TES: variants seen among roughly 807,000 people sequenced by gnomAD.
The protein encoded by TES is testin LIM domain protein.
In TES, 41 loss-of-function variants were observed where a neutral mutation model predicts 48.2. The ratio of observed to expected loss-of-function variants is 0.85; its 90% confidence interval spans 0.66 to 1.10. TES has a LOEUF of 1.10. TES is among the 50% of genes least tolerant of loss of function. The pLI, the probability that TES is intolerant of heterozygous loss-of-function variation, is 0.00. For synonymous variants in TES, 162 were observed against 174.9 expected (o/e 0.93, Z 0.58); for missense variants, 463 against 515.1 (o/e 0.90, Z 0.98).
chr7:116,245,569 G>A (rs1004662226), intron 2 of TES, among the ~76,000 whole-genome samples: 15 of 152,090 alleles, frequency 9.9e-5, no homozygotes, highest in African/African-American at 3.4e-4. Flanking sequence ...CAAGTCTCTA[G>A]GAATTTCCAA....
At chr7:116,245,029 C>A (rs1799902059) in intron 2 of TES, among the ~76,000 whole-genome samples, 1 of 152,100 alleles carries the variant, frequency 6.6e-6, no homozygotes. Context: ...GGGCGTGGTC[C>A]ACGACAGCAT....
rs1799996167 is a variant in TES at position 116,250,824 on chromosome 7, TTGCTTATCTC to T, written c.702+333_702+342del. On this transcript the variant is annotated intron_variant, in intron 4 of 6. Coordinates refer to ENST00000358204, the MANE Select transcript of TES (RefSeq NM_015641.4). ...TTTCTAATCATAATGTTGGTATTAA[TTGCTTATCTC>T]TGCTGCCCATAAATAGGAATATATG... Among the ~76,000 whole-genome samples the T allele has an allele frequency of 2.6e-5, 4 of 152,366 alleles. No homozygotes were observed. The South Asian group carries it at 8.3e-4, about 32-fold the overall frequency.
At chr7:116,247,673 A>T (rs569046809) in intron 2 of TES, among the ~76,000 whole-genome samples, 1 of 152,330 alleles carries the variant, frequency 6.6e-6, no homozygotes, top group East Asian at 1.9e-4. Context: ...TGGTTGACAA[A>T]ACACACTGAA....
At chr7:116,221,800 A>G (rs1465793266) in intron 1 of TES, among the ~76,000 whole-genome samples, 1 of 152,154 alleles carries the variant, frequency 6.6e-6, no homozygotes, top group Non-Finnish European at 1.5e-5. Context: ...TTGTTGTTCC[A>G]TTAAAGTGAA....
intron 2 of TES, among the ~76,000 whole-genome samples, chr7:116,240,442 A>G (rs938140915): frequency 2.6e-5 from 4 of 151,986 alleles, no homozygotes; most frequent in South Asian, 4.1e-4. Context: ...TCGCTCTCCC[A>G]GGCTCGCTCT....
chr7:116,255,600 T>TTTGTAAA (rs1336521578), intron 6 of TES, among the ~76,000 whole-genome samples: 4 of 152,252 alleles, frequency 2.6e-5, no homozygotes, highest in African/African-American at 9.6e-5. Flanking sequence ...TTATCTCTTT[T>TTTGTAAA]TTGTAAATTG....
chr7:116,235,442 AT>A lies in TES; in HGVS notation c.113+830del, dbSNP rs577910913. Among the ~76,000 whole-genome samples, 25 of 152,296 alleles carry A rather than the reference AT, an allele frequency of 1.6e-4. No homozygotes were observed. In the East Asian group the frequency reaches 4.6e-3, roughly 28 times the overall value. ...AGTGAAAAACCATTGAAACACTTGA[AT>A]TTTTTTAAGAAAAAAATTAATTGTA... On this transcript the variant is annotated intron_variant, in intron 2 of 6. Coordinates refer to ENST00000358204, the MANE Select transcript of TES (RefSeq NM_015641.4).
intron 1 of TES, among the ~76,000 whole-genome samples, chr7:116,224,278 A>G (rs73719138): frequency 0.12 from 18,257 of 152,192 alleles, 1,103 homozygotes; most frequent in South Asian, 0.19. Context: ...AAACTATGAC[A>G]TGATAAATCG....
chr7:116,245,737 G>T (rs1799914183), intron 2 of TES, among the ~76,000 whole-genome samples: 1 of 152,012 alleles, frequency 6.6e-6, no homozygotes, highest in South Asian at 2.1e-4. Context: ...TATTCTCATG[G>T]TGCTAATAAA....
At chr7:116,249,954 A>T (rs1176730849) in intron 3 of TES, 2 of 395,300 alleles carry the variant, frequency 5.1e-6, no homozygotes, top group Non-Finnish European at 9.0e-6. Context: ...ATATAATTTC[A>T]TGGAGAGAAA....
At chr7:116,253,163 C>T (rs1417584279) in intron 6 of TES, among the ~76,000 whole-genome samples, 1 of 152,090 alleles carries the variant, frequency 6.6e-6, no homozygotes, top group East Asian at 1.9e-4. Flanking sequence ...TTATATGCAG[C>T]AAAACACATA....
At chr7:116,228,294 A>T (rs1554436578) in intron 1 of TES, among the ~76,000 whole-genome samples, 1 of 151,882 alleles carries the variant, frequency 6.6e-6, no homozygotes, top group Non-Finnish European at 1.5e-5. Context: ...AGTCACTTTT[A>T]TTTTTTTCTT....
At chr7:116,234,062 T>C (rs1799734310) in intron 1 of TES, among the ~76,000 whole-genome samples, 1 of 152,192 alleles carries the variant, frequency 6.6e-6, no homozygotes, top group Non-Finnish European at 1.5e-5. Context: ...TAAGTGTATA[T>C]TGTAGCTATT....
At chr7:116,240,223 G>A (rs3807975) in intron 2 of TES, among the ~76,000 whole-genome samples, 50,737 of 151,866 alleles carry the variant, frequency 0.33, 8,921 homozygotes, top group East Asian at 0.57. Flanking sequence ...TGCCATGGCC[G>A]TGCTTTTAAA....
rs1800123229 is a variant in TES at position 116,257,707 on chromosome 7, C to A, written c.*225C>A. 1 of 366,936 alleles carries A rather than the reference C, an allele frequency of 2.7e-6. No homozygotes were observed. The highest frequency in any genetic ancestry group is 4.7e-5 in the East Asian group (1 of 21,194). 22.7% of individuals were successfully genotyped at this position (366,936 alleles called of 1,614,324 possible). On this transcript the variant is annotated 3_prime_UTR_variant, in exon 7 of 7. Transcript: ENST00000358204. ...TTTGTAAAACAGTAAATAATTGTAT[C>A]TTTCCATAGCTTTTCAAATGTGAAA... is the stretch of plus-strand genomic sequence containing the variant.
Position 116,231,679 on chromosome 7 carries a change from C to T in TES, c.28-2855C>T, listed in dbSNP as rs182534330. On this transcript the variant is annotated intron_variant, in intron 1 of 6. Coordinates refer to ENST00000358204, the MANE Select transcript of TES (RefSeq NM_015641.4). ...GAATGTCTGGGTTATGATAAGGGGGCTTGTAAGGACCAAGGTTTTATCATG... is the reference window on the plus strand; with the variant it reads ...GAATGTCTGGGTTATGATAAGGGGGTTTGTAAGGACCAAGGTTTTATCATG... Among the ~76,000 whole-genome samples, 37 of 152,270 alleles carry T rather than the reference C, an allele frequency of 2.4e-4. No homozygotes were observed. In the East Asian group the frequency reaches 5.0e-3, roughly 21 times the overall value.
intron 4 of TES, among the ~76,000 whole-genome samples, chr7:116,250,874 GT>G (rs1187811500): frequency 6.6e-6 from 1 of 152,158 alleles, no homozygotes; most frequent in Non-Finnish European, 1.5e-5. Flanking sequence ...GGTTAATTCA[GT>G]TTTGCTTGTG....
Position 116,210,551 on chromosome 7 carries a change from TG to T in TES, c.-154del. 1.3e-6 allele frequency: 1 copy of T among 793,632 alleles called. No homozygotes were observed. Among genetic ancestry groups the T allele is most frequent in the African/African-American group, 1.8e-5 (1 of 54,908 alleles). 49.2% of individuals were successfully genotyped at this position (793,632 alleles called of 1,614,324 possible). ...GGGCCGCAGGCCCGCTGCGGCGGACTGGGCGGCGGAAGTTCGACGGCGCCGG... is the reference window on the plus strand; with the variant it reads ...GGGCCGCAGGCCCGCTGCGGCGGACTGGCGGCGGAAGTTCGACGGCGCCGG... On this transcript the variant is annotated 5_prime_UTR_variant, in exon 1 of 7. Transcript: ENST00000358204.
chr7:116,241,384 A>G (rs1054866945), intron 2 of TES, among the ~76,000 whole-genome samples: 2 of 152,204 alleles, frequency 1.3e-5, no homozygotes, highest in African/African-American at 2.4e-5. Context: ...CTGATTTTAT[A>G]GTATGTTTTC....
Sources: gnomAD v4.1 joint callset for allele counts (sites outside exome capture counted in the v4.1 genomes callset) on GRCh38, gnomAD v4.1.1 for gene constraint, MANE v1.5 for transcripts, NCBI Gene and HGNC (gene_info 2026-07-23, HGNC 2026-07-21) for gene names.